C12orf75: variants seen among roughly 807,000 people sequenced by gnomAD.
C12orf75 encodes the protein overexpressed in colon carcinoma 1 protein.
Under a neutral mutation model 11.4 loss-of-function variants are expected in C12orf75, and 4 were observed. The observed-to-expected ratio is 0.35, with a 90% confidence interval of 0.17 to 0.80. The LOEUF (loss-of-function observed/expected upper bound fraction) is 0.80, where lower values mean the gene tolerates loss of function less well. Ranked by LOEUF, C12orf75 falls within the 30% of genes least tolerant of loss-of-function variation. The pLI is 0.52. For synonymous variants in C12orf75, 30 were observed against 30.0 expected (o/e 1.00, Z 0.00); for missense variants, 89 against 80.4 (o/e 1.11, Z -0.41).
intron 5 of C12orf75, among the ~76,000 whole-genome samples, chr12:105,370,263 T>C (rs1871590843): frequency 6.6e-6 from 1 of 152,202 alleles, no homozygotes; most frequent in Admixed American, 6.5e-5. Context: ...CCATGTAATG[T>C]GGAGGCCTAG....
At chr12:105,357,380 C>G (rs1481033209) in intron 2 of C12orf75, among the ~76,000 whole-genome samples, 2 of 152,024 alleles carry the variant, frequency 1.3e-5, no homozygotes, top group African/African-American at 4.8e-5. Context: ...TTTCTTCTTT[C>G]TTTTTCTTGC....
Position 105,330,841 on chromosome 12 carries a change from A to G in C12orf75, c.-51A>G, listed in dbSNP as rs1358331811. On this transcript the variant is annotated 5_prime_UTR_variant, in exon 1 of 6. Coordinates refer to ENST00000443585, the MANE Select transcript of C12orf75 (RefSeq NM_001145199.2). ...GCCCTTCGTCTGGGTCTCCGCCCCC[A>G]GGACCCGCGGCCGAGAGCTCCGGAG... The G allele has an allele frequency of 2.1e-5, 26 of 1,246,664 alleles. No homozygotes were observed. The highest frequency in any genetic ancestry group is 4.0e-5 in the Admixed American group (1 of 24,780). The allele number at this position is 1,246,664 out of a possible 1,614,324, so 77.2% of individuals were successfully genotyped here. A position where few individuals can be genotyped will look rare whatever the true frequency, so the allele number is the denominator to read the frequency against.
intron 1 of C12orf75, among the ~76,000 whole-genome samples, chr12:105,339,517 G>A (rs1420308635): frequency 2.0e-5 from 3 of 151,354 alleles, no homozygotes; most frequent in East Asian, 3.9e-4. Context: ...TCATTTACCT[G>A]TGAATATTTC....
In C12orf75 at chr12:105,330,738, C is replaced by G. The variant is rs1264337791; in HGVS notation, c.-154C>G. On this transcript the variant is annotated 5_prime_UTR_variant, in exon 1 of 6. Transcript: ENST00000443585. ...GCCCGCTGCGCCCCGGGCCGCGTCT[C>G]CCGGCGGTGGGAGGGGGCGGCCCCC... 1 of 707,042 alleles carries G rather than the reference C, an allele frequency of 1.4e-6. No homozygotes were observed. Among genetic ancestry groups the G allele is most frequent in the Non-Finnish European group, 1.9e-6 (1 of 529,620 alleles). 43.8% of individuals were successfully genotyped at this position (707,042 alleles called of 1,614,324 possible). A position where few individuals can be genotyped will look rare whatever the true frequency, so the allele number is the denominator to read the frequency against.
chr12:105,369,956 T>G (rs1871582406), intron 5 of C12orf75, among the ~76,000 whole-genome samples: 2 of 152,162 alleles, frequency 1.3e-5, no homozygotes, highest in Non-Finnish European at 2.9e-5. Flanking sequence ...TTTGTTGTTG[T>G]TGTTGTTTGT....
chr12:105,362,666 CAA>C (rs71072606), intron 2 of C12orf75, among the ~76,000 whole-genome samples: 90 of 105,558 alleles, frequency 8.5e-4, no homozygotes, highest in East Asian at 2.9e-3. Context: ...GACTCCGTCT[CAA>C]AAAAAAAAAA....
chr12:105,369,620 C>T (rs971836693), intron 5 of C12orf75, among the ~76,000 whole-genome samples: 1 of 152,258 alleles, frequency 6.6e-6, no homozygotes, highest in East Asian at 1.9e-4. Context: ...TCCCCCAACC[C>T]CTGAACAGGC....
At chr12:105,358,743 A>T (rs932241054) in intron 2 of C12orf75, among the ~76,000 whole-genome samples, 1 of 152,206 alleles carries the variant, frequency 6.6e-6, no homozygotes, top group Non-Finnish European at 1.5e-5. Flanking sequence ...CCCTGGAAAA[A>T]CAAGCTTATT....
At chr12:105,340,506 G>A (rs1892557991) in intron 1 of C12orf75, among the ~76,000 whole-genome samples, 2 of 151,036 alleles carry the variant, frequency 1.3e-5, no homozygotes, top group African/African-American at 4.9e-5. Flanking sequence ...GAGGAATAAA[G>A]TTCCGTTTGT....
intron 1 of C12orf75, among the ~76,000 whole-genome samples, chr12:105,339,330 C>T (rs1892536983): frequency 6.6e-6 from 1 of 150,642 alleles, no homozygotes; most frequent in Non-Finnish European, 1.5e-5. Context: ...CCCATAAGAA[C>T]CATAGGCATT....
At chr12:105,355,355 A>C (rs1892766678) in intron 2 of C12orf75, among the ~76,000 whole-genome samples, 1 of 151,662 alleles carries the variant, frequency 6.6e-6, no homozygotes, top group African/African-American at 2.4e-5. Context: ...TTTTTAGTAG[A>C]GTTGGGATTT....
intron 1 of C12orf75, among the ~76,000 whole-genome samples, chr12:105,336,893 A>G (rs1447192410): frequency 1.3e-5 from 2 of 152,244 alleles, no homozygotes; most frequent in African/African-American, 2.4e-5. Context: ...GGTAGTAATC[A>G]TTGGTGAGAC....
intron 1 of C12orf75, among the ~76,000 whole-genome samples, chr12:105,344,112 A>C (rs926672600): frequency 3.3e-5 from 5 of 152,202 alleles, no homozygotes; most frequent in Non-Finnish European, 1.5e-5. Context: ...ATCAAGGTGA[A>C]GTGGATGGAG....
intron 1 of C12orf75, among the ~76,000 whole-genome samples, chr12:105,348,199 A>T (rs1308771784): frequency 6.6e-6 from 1 of 152,126 alleles, no homozygotes; most frequent in East Asian, 1.9e-4. Flanking sequence ...AGGATTGCTT[A>T]AGCCCAGGAG....
chr12:105,362,988 A>G (rs1486265652), intron 2 of C12orf75, among the ~76,000 whole-genome samples: 1 of 152,252 alleles, frequency 6.6e-6, no homozygotes, highest in East Asian at 1.9e-4. Context: ...CAAAAGCAGT[A>G]TGGAGGTGAA....
intron 1 of C12orf75, among the ~76,000 whole-genome samples, chr12:105,345,182 T>A (rs984295440): frequency 6.6e-6 from 1 of 152,120 alleles, no homozygotes; most frequent in East Asian, 1.9e-4. Context: ...GATACCAACA[T>A]GACAGCAGGC....
chr12:105,340,562 CATTTTGCTCTGT>C (rs1892559085), intron 1 of C12orf75, among the ~76,000 whole-genome samples: 1 of 151,816 alleles, frequency 6.6e-6, no homozygotes, highest in African/African-American at 2.4e-5. Flanking sequence ...TCCAGATACT[CATTTTGCTCTGT>C]ATTTTAAAAG....
chr12:105,366,568 C>A, intron 3 of C12orf75, 49 bp from the exon 4 acceptor site: 1 of 894,676 alleles, frequency 1.1e-6, no homozygotes, highest in Non-Finnish European at 1.8e-6. Flanking sequence ...CTGTTGCTTC[C>A]TGTAAATAGA....
chr12:105,361,628 A>G lies in C12orf75; in HGVS notation c.72-4179A>G, dbSNP rs559401481. On this transcript the variant is annotated intron_variant, in intron 2 of 5. Transcript: ENST00000443585. ...GGCCTGTCAGGAGCTTTGGCTTAAC[A>G]TGTCTGGGCCTTCCTTTTACCAGGG... is the stretch of plus-strand genomic sequence containing the variant. 5.1e-4 allele frequency among the ~76,000 whole-genome samples: 77 copies of G among 152,258 alleles called. 1 individual carries two copies. The highest frequency in any genetic ancestry group is 1.7e-3 in the African/African-American group (72 of 41,556).
Sources: gnomAD v4.1 joint callset for allele counts (sites outside exome capture counted in the v4.1 genomes callset) on GRCh38, gnomAD v4.1.1 for gene constraint, MANE v1.5 for transcripts, NCBI Gene and HGNC (gene_info 2026-07-23, HGNC 2026-07-21) for gene names.